Variants in EXOC3L2 observed in about 807,000 individuals in gnomAD.
The protein encoded by EXOC3L2 is exocyst complex component 3-like protein 2.
A neutral mutation model predicts 44.4 loss-of-function variants in EXOC3L2; 17 were observed. That is an observed-to-expected ratio of 0.38 (90% CI 0.26 to 0.57). The LOEUF (loss-of-function observed/expected upper bound fraction) is 0.57, where lower values mean the gene tolerates loss of function less well. Among genes scored for constraint, EXOC3L2 ranks in the 20% least tolerant of loss-of-function variants. EXOC3L2 has a pLI of 0.65. For synonymous variants in EXOC3L2, 256 were observed against 253.7 expected (o/e 1.01, Z -0.09); for missense variants, 541 against 588.4 (o/e 0.92, Z 0.83).
chr19:45,235,821 C>G (rs1970078827), intron 2 of EXOC3L2, among the ~76,000 whole-genome samples: 1 of 152,136 alleles, frequency 6.6e-6, no homozygotes, highest in African/African-American at 2.4e-5. Context: ...AGCCTCTGGC[C>G]AGAACGTGGA....
At chr19:45,213,485 CCCCTCCAGAGCCTT>C in intron 11 of EXOC3L2, 128 bp from the exon 12 acceptor site, 1 of 1,102,838 alleles carries the variant, frequency 9.1e-7, no homozygotes, top group Non-Finnish European at 1.3e-6. Flanking sequence ...GCCTCTGTGT[CCCCTCCAGAGCCTT>C]CCCTCCAATC....
In EXOC3L2 at chr19:45,213,322, C is replaced by T; in HGVS notation, c.2156G>A (p.Gly719Asp). 6.2e-7 allele frequency: 1 copy of T among 1,613,642 alleles called. No homozygotes were observed. The highest frequency in any genetic ancestry group is 8.5e-7 in the Non-Finnish European group (1 of 1,179,828). ...KHVAALLDIR[G>D]LRNTAARQEI... ...CTGGCGGGCGGCTGTGTTGCGCAGG[C>T]CACGGATGTCGAGGAGGGCTGCCAC... Residue 719 changes from glycine (G) to aspartate (D), a missense_variant, in exon 12 of 12, where the codon GGC becomes GAC. Transcript: ENST00000413988.
chr19:45,230,454 G>A (rs1483302295), intron 4 of EXOC3L2, among the ~76,000 whole-genome samples: 1 of 152,084 alleles, frequency 6.6e-6, no homozygotes, highest in East Asian at 1.9e-4. Flanking sequence ...TCCTGACCTC[G>A]TGATCCACCC....
At position 45,212,977 on chromosome 19, in the gene EXOC3L2, G is replaced by T. The variant is rs1969791388; in HGVS notation, c.*92C>A. 3.0e-6 allele frequency: 4 copies of T among 1,336,692 alleles called. No individual in the cohort carries two copies. The highest frequency in any genetic ancestry group is 3.9e-6 in the Non-Finnish European group (4 of 1,025,378). The allele number at this position is 1,336,692 out of a possible 1,614,324, so 82.8% of individuals were successfully genotyped here. ...GGTCTTTCTATCCCAGGGGTGTGTG[G>T]TCCCAGGCAGGGAGTCAGGAGGGGC... On this transcript the variant is annotated 3_prime_UTR_variant, in exon 12 of 12. Transcript: ENST00000413988.
intron 8 of EXOC3L2, among the ~76,000 whole-genome samples, chr19:45,222,847 A>G (rs1179219366): frequency 6.6e-6 from 1 of 152,232 alleles, no homozygotes; most frequent in Non-Finnish European, 1.5e-5. Flanking sequence ...TGTAAAATGA[A>G]TCTACAACCC....
chr19:45,222,890 C>A (rs1041505664), intron 8 of EXOC3L2, among the ~76,000 whole-genome samples: 2 of 152,124 alleles, frequency 1.3e-5, no homozygotes, highest in Non-Finnish European at 1.5e-5. Context: ...ATTAAACGAG[C>A]CGATACTCTC....
chr19:45,216,083 G>C lies in EXOC3L2; in HGVS notation c.2110C>G (p.Pro704Ala). 2 of 1,613,836 alleles carry C rather than the reference G, an allele frequency of 1.2e-6. No homozygotes were observed. Among genetic ancestry groups the C allele is most frequent in the Non-Finnish European group, 1.7e-6 (2 of 1,179,920 alleles). The change falls in exon 11 of 12, where the codon CCA (proline) becomes GCA (alanine). Residue 704 changes from proline (P) to alanine (A), a missense_variant. Transcript: ENST00000413988. ...GGCGGGGTGTCTCACCTGATGTCTG[G>C]GTAGTCGCGCACCAACACTCCCACC... ...VEVGVLVRDY[P>A]DIRQKHVAAL...
chr19:45,241,312 ACT>A (rs1353090877), intron 1 of EXOC3L2, among the ~76,000 whole-genome samples: 2 of 151,938 alleles, frequency 1.3e-5, no homozygotes, highest in African/African-American at 2.4e-5. Context: ...CCTCGTCTCT[ACT>A]AAAAATACAA....
In EXOC3L2 at chr19:45,238,645, A is replaced by G. The variant is rs1170818949; in HGVS notation, c.401T>C (p.Leu134Pro). Residue 134 changes from leucine (L) to proline (P), a missense_variant, in exon 2 of 12, where the codon CTG becomes CCG. Leu to Pro is a moderately conservative substitution (Grantham distance 98). Coordinates refer to ENST00000413988, the MANE Select transcript of EXOC3L2 (RefSeq NM_001382422.1). This position sits in a 1 kb window ranked among gnomAD's most constrained non-coding sequence, Gnocchi z 5.5. ...ACGCTGGGGCTTGGATCCACGCCCC[A>G]GTCTCAGGAAGGCCAGTCTCCGGGC... The part of the protein sequence containing the change: ...EAARRLAFLR[L>P]GRGSKPQRAS... 5.0e-6 allele frequency: 2 copies of G among 399,050 alleles called. No individual in the cohort carries two copies. Among genetic ancestry groups the G allele is most frequent in the African/African-American group, 4.1e-5 (2 of 48,608 alleles). 24.7% of individuals were successfully genotyped at this position (399,050 alleles called of 1,614,324 possible).
chr19:45,213,408 A>G, intron 11 of EXOC3L2, 51 bp from the exon 12 acceptor site: 1 of 1,596,346 alleles, frequency 6.3e-7, no homozygotes, highest in Non-Finnish European at 8.5e-7. Context: ...CTCTAGACAC[A>G]CACCCAACCC....
chr19:45,221,377 G>C (rs977353663), intron 8 of EXOC3L2, among the ~76,000 whole-genome samples: 1 of 151,824 alleles, frequency 6.6e-6, no homozygotes, highest in African/African-American at 2.4e-5. Flanking sequence ...TTTTGAGACG[G>C]AATCTCGCTC....
intron 1 of EXOC3L2, among the ~76,000 whole-genome samples, chr19:45,242,346 C>A (rs988661491): frequency 6.6e-6 from 1 of 152,072 alleles, no homozygotes; most frequent in South Asian, 2.1e-4. Context: ...CTGGCTGCAG[C>A]CTTGAACTCC....
intron 7 of EXOC3L2, 92 bp from the exon 8 acceptor site, chr19:45,225,005 CA>C (rs1969941921): frequency 3.7e-6 from 5 of 1,349,284 alleles, no homozygotes; most frequent in Non-Finnish European, 3.8e-6. Context: ...CAGAGGGGCA[CA>C]GGGGTGACAG....
intron 8 of EXOC3L2, among the ~76,000 whole-genome samples, chr19:45,221,989 G>T (rs80074203): frequency 0.023 from 3,523 of 151,420 alleles, 148 homozygotes; most frequent in African/African-American, 0.082. Context: ...AGCAAGGCAT[G>T]AGGGAACCCA....
At chr19:45,241,275 G>A (rs1209596900) in intron 1 of EXOC3L2, among the ~76,000 whole-genome samples, 1 of 152,010 alleles carries the variant, frequency 6.6e-6, no homozygotes, top group Non-Finnish European at 1.5e-5. Flanking sequence ...CGGATCACAA[G>A]GTCAGGAGAT....
intron 8 of EXOC3L2, among the ~76,000 whole-genome samples, chr19:45,223,076 G>A (rs1969915452): frequency 6.6e-6 from 1 of 152,224 alleles, no homozygotes; most frequent in African/African-American, 2.4e-5. Flanking sequence ...AACATAGTGA[G>A]ACCCTGTCTC....
At chr19:45,231,898 G>T in intron 3 of EXOC3L2, 24 bp from the exon 4 acceptor site, 2 of 1,534,064 alleles carry the variant, frequency 1.3e-6, no homozygotes, top group South Asian at 1.1e-5. Context: ...TGAGAGAAAA[G>T]GAGGTCTGTG....
At chr19:45,239,260 C>T in intron 1 of EXOC3L2, among the ~76,000 whole-genome samples, 199 bp from the exon 2 acceptor site, 1 of 150,292 alleles carries the variant, frequency 6.7e-6, no homozygotes, top group Admixed American at 6.6e-5. Context: ...CTCTGTCGCC[C>T]AGGCTGGAGT....
In EXOC3L2 at chr19:45,221,644, C is replaced by CTT. The variant is rs373572170; in HGVS notation, c.1719+3132_1719+3133dup. 1.0e-3 allele frequency among the ~76,000 whole-genome samples: 92 copies of CTT among 91,800 alleles called. 1 individual carries two copies. The highest frequency in any genetic ancestry group is 1.2e-3 in the African/African-American group (31 of 24,898). 60.2% of individuals were successfully genotyped at this position (91,800 alleles called of 152,430 possible). The stretch of plus-strand genomic sequence containing the variant: ...GTGTGAGCCACTGTGCCCAGCAGGG[C>CTT]TTTTTTTTTTTTTTTTTTTTTGATA... On this transcript the variant is annotated intron_variant, in intron 8 of 11. Coordinates refer to ENST00000413988, the MANE Select transcript of EXOC3L2 (RefSeq NM_001382422.1).
Sources: allele counts gnomAD v4.1 joint callset (sites outside exome capture counted in the v4.1 genomes callset), GRCh38; gene constraint gnomAD v4.1.1; non-coding constraint Gnocchi (gnomAD v3.1); transcripts MANE v1.5; gene names NCBI Gene and HGNC (gene_info 2026-07-23, HGNC 2026-07-21).